IKBKB: variants seen among roughly 807,000 people sequenced by gnomAD.
IKBKB encodes inhibitor of nuclear factor kappa-B kinase subunit beta.
Under a neutral mutation model 113.6 loss-of-function variants are expected in IKBKB, and 42 were observed. The observed-to-expected ratio is 0.37, with a 90% CI of 0.29 to 0.48. The LOEUF (loss-of-function observed/expected upper bound fraction) is 0.48. Ranked by LOEUF, IKBKB falls within the 20% of genes least tolerant of loss-of-function variation. The probability of loss-of-function intolerance (pLI) is 0.99; values close to 1 mark genes in which losing one functional copy is unlikely to be tolerated. For missense variants in IKBKB, 673 were observed against 939.7 expected, an observed-to-expected ratio of 0.72 and a Z score of 3.71; for synonymous variants, 296 against 361.3, an observed-to-expected ratio of 0.82 and a Z score of 2.05.
chr8:42,324,471 G>A lies in IKBKB; in HGVS notation c.1987-1499G>A, dbSNP rs568248533. The stretch of plus-strand genomic sequence containing the variant: ...GTGGAGATGGGGTTTCACCATGTTG[G>A]CCAGGCTGGTCTCGAACTGGCCTCA... On this transcript the variant is annotated intron_variant, in intron 19 of 21. Transcript: ENST00000520810. Among the ~76,000 whole-genome samples, 5 of 152,224 alleles carry A rather than the reference G, an allele frequency of 3.3e-5. 1 individual carries two copies. Among genetic ancestry groups the A allele is most frequent in the African/African-American group, 1.2e-4 (5 of 41,538 alleles).
At position 42,314,319 on chromosome 8, in the gene IKBKB, C is replaced by A. The variant is rs372275481; in HGVS notation, c.693-3C>A. Reference sequence around the variant, plus strand: ...CTGCACCTAACAAGATTCATATTTGCAGGCATTCAAAAGTGCGGCAGAAGA... The same window carrying A: ...CTGCACCTAACAAGATTCATATTTGAAGGCATTCAAAAGTGCGGCAGAAGA... On this transcript the variant is annotated splice_polypyrimidine_tract_variant and splice_region_variant and intron_variant, in intron 8 of 21. Coordinates refer to ENST00000520810, the MANE Select transcript of IKBKB (RefSeq NM_001556.3). The A allele has an allele frequency of 6.2e-7, 1 of 1,603,724 alleles. No homozygotes were observed. The highest frequency in any genetic ancestry group is 8.5e-7 in the Non-Finnish European group (1 of 1,170,610).
At chr8:42,305,641 G>A (rs1816356221) in intron 6 of IKBKB, among the ~76,000 whole-genome samples, 1 of 152,232 alleles carries the variant, frequency 6.6e-6, no homozygotes, top group East Asian at 1.9e-4. Context: ...TGGTCAGTTG[G>A]TTGTGGATGT....
At chr8:42,295,259 C>T (rs146714959) in intron 5 of IKBKB, among the ~76,000 whole-genome samples, 177 of 151,500 alleles carry the variant, frequency 1.2e-3, no homozygotes, top group African/African-American at 4.0e-3. Context: ...GCTGGGATTA[C>T]AGGAGCACAC....
At chr8:42,309,874 C>T (rs1817375713) in intron 8 of IKBKB, 1 of 151,858 alleles carries the variant, frequency 6.6e-6, no homozygotes, top group Non-Finnish European at 1.5e-5. Context: ...GTAGAATTAC[C>T]CTGTATTCTT....
intron 21 of IKBKB, 84 bp downstream of exon 21, chr8:42,329,298 C>T (rs1483386679): frequency 6.8e-7 from 1 of 1,468,668 alleles, no homozygotes; most frequent in African/African-American, 1.5e-5. Context: ...TGCAATCTGG[C>T]ATTATCCTCA....
intron 3 of IKBKB, 67 bp downstream of exon 3, chr8:42,288,795 G>A (rs920218517): frequency 1.5e-6 from 2 of 1,332,784 alleles, no homozygotes; most frequent in Admixed American, 4.0e-5. Context: ...GTCTAGAAAG[G>A]AGAGTCTTGC....
intron 2 of IKBKB, among the ~76,000 whole-genome samples, chr8:42,277,525 C>T (rs920982653): frequency 1.2e-4 from 18 of 152,160 alleles, no homozygotes; most frequent in African/African-American, 2.4e-4. Context: ...CCAGCTTCCT[C>T]CTCCTGCCGG....
chr8:42,290,862 G>A (rs916546022), intron 4 of IKBKB, among the ~76,000 whole-genome samples: 3 of 152,218 alleles, frequency 2.0e-5, no homozygotes, highest in Non-Finnish European at 4.4e-5. Flanking sequence ...TCCCTAGAAT[G>A]TTCACTTCTG....
intron 5 of IKBKB, among the ~76,000 whole-genome samples, chr8:42,293,926 T>G (rs1813181703): frequency 6.6e-6 from 1 of 152,266 alleles, no homozygotes; most frequent in African/African-American, 2.4e-5. Flanking sequence ...AAAACTGTCC[T>G]TTTTAATCCC....
chr8:42,271,314 C>A lies in IKBKB; in HGVS notation c.-174C>A, dbSNP rs889534918. The A allele has an allele frequency of 1.0e-6, 1 of 955,086 alleles. No homozygotes were observed. Among genetic ancestry groups the A allele is most frequent in the Non-Finnish European group, 1.6e-6 (1 of 617,138 alleles). 59.2% of individuals were successfully genotyped at this position (955,086 alleles called of 1,614,324 possible). A position where few individuals can be genotyped will look rare whatever the true frequency, so the allele number is the denominator to read the frequency against. ...GCCAACGTGCTCCGTGACGTCAGAG[C>A]AGGAAGTGTTTGAGGAAGTCGCGCC... is the stretch of plus-strand genomic sequence containing the variant. On this transcript the variant is annotated 5_prime_UTR_variant, in exon 1 of 22. Transcript: ENST00000520810.
chr8:42,314,774 CAA>C (rs915998732), intron 9 of IKBKB, among the ~76,000 whole-genome samples: 18 of 112,716 alleles, frequency 1.6e-4, no homozygotes, highest in Non-Finnish European at 1.5e-4. Context: ...GACTCCATCT[CAA>C]AAAAAAAAAA....
intron 7 of IKBKB, among the ~76,000 whole-genome samples, chr8:42,308,105 C>T (rs1358087555): frequency 6.6e-6 from 1 of 152,164 alleles, no homozygotes; most frequent in Non-Finnish European, 1.5e-5. Context: ...CACATGGTAC[C>T]TGGTTCAGGG....
In IKBKB at chr8:42,320,811, T is replaced by C. The variant is rs778292930; in HGVS notation, c.1655T>C (p.Met552Thr). ...TDIVDLQRSPMGRKQGGTLDD... is the reference protein window; with the variant it reads ...TDIVDLQRSPTGRKQGGTLDD... ...ATTGTGGACTTACAGAGGAGCCCCA[T>C]GGGCCGGAAGCAGGGGGGAACGCTG... The change falls in exon 16 of 22, where the codon ATG (methionine) becomes ACG (threonine). Residue 552 changes from methionine to threonine, a missense_variant. Physicochemically the swap from Met to Thr is moderately conservative, Grantham distance 81. Coordinates refer to ENST00000520810, the MANE Select transcript of IKBKB (RefSeq NM_001556.3). 5 of 1,606,224 alleles carry C rather than the reference T, an allele frequency of 3.1e-6. No individual in the cohort carries two copies. In the South Asian group the frequency reaches 3.3e-5, roughly 11 times the overall value.
chr8:42,322,388 C>A lies in IKBKB; in HGVS notation c.1880C>A (p.Pro627His). The A allele has an allele frequency of 6.2e-7, 1 of 1,613,752 alleles. No homozygotes were observed. The highest frequency in any genetic ancestry group is 8.5e-7 in the Non-Finnish European group (1 of 1,179,996). ...VCKQKALELL[P>H]KVEEVVSLMN... ...AAGCAGAAGGCGCTGGAACTGTTGCCCAAGGTGGAAGAGGTGGTGAGCTTA... is the reference window on the plus strand; with the variant it reads ...AAGCAGAAGGCGCTGGAACTGTTGCACAAGGTGGAAGAGGTGGTGAGCTTA... The change falls in exon 19 of 22, where the codon CCC (proline) becomes CAC (histidine). Residue 627 changes from proline to histidine, a missense_variant. Around this residue, in one of 2 missense-constraint regions of IKBKB, gnomAD observed 506 missense variants for 638.7 expected, o/e 0.79. Transcript: ENST00000520810.
chr8:42,285,676 A>T (rs1417248787), intron 2 of IKBKB, among the ~76,000 whole-genome samples: 1 of 152,232 alleles, frequency 6.6e-6, no homozygotes, highest in Non-Finnish European at 1.5e-5. Flanking sequence ...TGAGAAGGAT[A>T]CTTAGGGCAG....
intron 4 of IKBKB, among the ~76,000 whole-genome samples, chr8:42,291,337 A>G (rs1357042439): frequency 6.6e-6 from 1 of 151,900 alleles, no homozygotes; most frequent in Non-Finnish European, 1.5e-5. Flanking sequence ...GCCCGCCCCC[A>G]CGCCTGGCTA....
intron 5 of IKBKB, among the ~76,000 whole-genome samples, chr8:42,297,278 T>A (rs1188971511): frequency 6.6e-6 from 1 of 152,254 alleles, no homozygotes; most frequent in Non-Finnish European, 1.5e-5. Flanking sequence ...TCATCTAACA[T>A]AGCTCTTTTG....
At chr8:42,274,864 A>C (rs559121169) in intron 2 of IKBKB, among the ~76,000 whole-genome samples, 168 of 130,392 alleles carry the variant, frequency 1.3e-3, no homozygotes, top group African/African-American at 4.6e-3. Flanking sequence ...GGACGAGATC[A>C]GTTTTTTTTT....
At chr8:42,315,788 G>A (rs1231026200) in intron 9 of IKBKB, among the ~76,000 whole-genome samples, 5 of 152,072 alleles carry the variant, frequency 3.3e-5, no homozygotes, top group Admixed American at 1.3e-4. Flanking sequence ...TCAGCCTCCC[G>A]AGTAGCTGGG....
Sources: gnomAD v4.1 joint callset for allele counts (sites outside exome capture counted in the v4.1 genomes callset) on GRCh38, gnomAD v4.1.1 for gene constraint, gnomAD v4.1.1 regional missense constraint, MANE v1.5 for transcripts, NCBI Gene and HGNC (gene_info 2026-07-23, HGNC 2026-07-21) for gene names.